Variants in NCAM2 observed in about 807,000 individuals in gnomAD.
NCAM2 encodes neural cell adhesion molecule 2.
Under a neutral mutation model 98.1 loss-of-function variants are expected in NCAM2, and 30 were observed. That is an observed-to-expected ratio of 0.31 (90% confidence interval 0.23 to 0.41). The LOEUF (loss-of-function observed/expected upper bound fraction) is 0.41, where lower values mean the gene tolerates loss of function less well. NCAM2 is among the 10% of genes least tolerant of loss of function. The pLI is 1.00. For missense variants in NCAM2, 867 were observed against 1,005.8 expected (o/e 0.86, Z 1.87); for synonymous variants, 368 against 342.4 (o/e 1.07, Z -0.83).
At chr21:21,089,806 A>C (rs1234175539) in intron 1 of NCAM2, among the ~76,000 whole-genome samples, 1 of 152,174 alleles carries the variant, frequency 6.6e-6, no homozygotes, top group Non-Finnish European at 1.5e-5. Flanking sequence ...AAAACATGAT[A>C]ATATTATTTC....
At chr21:21,500,068 C>A (rs1401654058) in intron 15 of NCAM2, among the ~76,000 whole-genome samples, 1 of 152,080 alleles carries the variant, frequency 6.6e-6, no homozygotes, top group Non-Finnish European at 1.5e-5. Context: ...GGATACTCAG[C>A]TCTTCTCTAG....
At chr21:21,370,439 G>A (rs1355933641) in intron 8 of NCAM2, among the ~76,000 whole-genome samples, 2 of 151,828 alleles carry the variant, frequency 1.3e-5, no homozygotes, top group East Asian at 3.9e-4. Flanking sequence ...GCATGTTTTG[G>A]TGTTTGAAAT....
chr21:21,349,439 C>A (rs1766018435), intron 8 of NCAM2, among the ~76,000 whole-genome samples: 2 of 152,024 alleles, frequency 1.3e-5, no homozygotes, highest in Non-Finnish European at 2.9e-5. Context: ...GAAATGCTGA[C>A]AAGGACGTAT....
chr21:21,189,452 G>A (rs187195500), intron 1 of NCAM2, among the ~76,000 whole-genome samples: 260 of 152,264 alleles, frequency 1.7e-3, no homozygotes, highest in Non-Finnish European at 2.7e-3. Context: ...TTGGCCAGAT[G>A]TGTTGGCTCC....
At chr21:21,404,973 A>C (rs2076710171) in intron 9 of NCAM2, among the ~76,000 whole-genome samples, 1 of 151,908 alleles carries the variant, frequency 6.6e-6, no homozygotes, top group Non-Finnish European at 1.5e-5. Context: ...GAGACTCCAC[A>C]TGTAGTAACG....
chr21:21,142,377 G>GTTTTTT (rs10686568), intron 1 of NCAM2, among the ~76,000 whole-genome samples: 26 of 107,170 alleles, frequency 2.4e-4, no homozygotes, highest in African/African-American at 3.7e-4. Context: ...TTTTTTTTAT[G>GTTTTTT]TTTTTTTTTT....
At chr21:21,032,101 T>A (rs926326578) in intron 1 of NCAM2, among the ~76,000 whole-genome samples, 3 of 152,182 alleles carry the variant, frequency 2.0e-5, no homozygotes, top group Admixed American at 6.5e-5. Context: ...AGCGTACGAA[T>A]TTAGGAAAAG....
At chr21:21,086,518 T>A (rs527859542) in intron 1 of NCAM2, among the ~76,000 whole-genome samples, 26 of 152,188 alleles carry the variant, frequency 1.7e-4, no homozygotes, top group Non-Finnish European at 3.2e-4. Context: ...CAGAGAAAGT[T>A]TATCTCTGAC....
intron 5 of NCAM2, among the ~76,000 whole-genome samples, chr21:21,321,023 A>G (rs911464945): frequency 2.6e-5 from 4 of 152,336 alleles, no homozygotes; most frequent in Admixed American, 2.6e-4. Flanking sequence ...GACTGAGAAT[A>G]TAAATAGAGA....
intron 1 of NCAM2, among the ~76,000 whole-genome samples, chr21:21,129,751 G>A (rs950678134): frequency 2.6e-5 from 4 of 152,110 alleles, no homozygotes; most frequent in African/African-American, 9.7e-5. Flanking sequence ...AATTTTAGAG[G>A]AGCGCAAGCA....
At chr21:21,049,376 T>C (rs1056613005) in intron 1 of NCAM2, among the ~76,000 whole-genome samples, 4 of 152,182 alleles carry the variant, frequency 2.6e-5, no homozygotes, top group African/African-American at 9.7e-5. Context: ...TAATTTTTCA[T>C]GCCCATAAAA....
At chr21:21,484,602 A>G (rs1438875695) in intron 15 of NCAM2, among the ~76,000 whole-genome samples, 1 of 152,110 alleles carries the variant, frequency 6.6e-6, no homozygotes, top group African/African-American at 2.4e-5. Context: ...TTATGCCCTG[A>G]AAATTAAAAA....
At chr21:21,429,472 C>T (rs1007664793) in intron 11 of NCAM2, among the ~76,000 whole-genome samples, 2 of 152,168 alleles carry the variant, frequency 1.3e-5, no homozygotes, top group African/African-American at 4.8e-5. Context: ...CTATGACATC[C>T]AACTTAGACC....
At chr21:21,371,861 G>A (rs232513) in intron 8 of NCAM2, among the ~76,000 whole-genome samples, 52,393 of 150,124 alleles carry the variant, frequency 0.35, 9,244 homozygotes, top group East Asian at 0.58. Flanking sequence ...AAATAAATGC[G>A]CGTGCACACA....
intron 15 of NCAM2, among the ~76,000 whole-genome samples, chr21:21,492,880 G>A (rs962446823): frequency 6.6e-6 from 1 of 151,638 alleles, no homozygotes; most frequent in Non-Finnish European, 1.5e-5. Context: ...CTTCAAATTG[G>A]CATTTCTGTT....
chr21:21,082,643 G>C (rs2065831219), intron 1 of NCAM2, among the ~76,000 whole-genome samples: 1 of 152,146 alleles, frequency 6.6e-6, no homozygotes, highest in Non-Finnish European at 1.5e-5. Context: ...TATGCATGTA[G>C]AGGGTACTTT....
At chr21:21,364,407 TA>T (rs2075731950) in intron 8 of NCAM2, among the ~76,000 whole-genome samples, 1 of 151,992 alleles carries the variant, frequency 6.6e-6, no homozygotes, top group African/African-American at 2.4e-5. Context: ...AAATAATGCA[TA>T]TGAATCATTC....
chr21:21,073,736 C>A (rs554380878), intron 1 of NCAM2, among the ~76,000 whole-genome samples: 18 of 152,274 alleles, frequency 1.2e-4, no homozygotes, highest in African/African-American at 4.3e-4. Flanking sequence ...CCACATTGTC[C>A]AGTCCAGTTT....
chr21:21,287,507 G>A (rs1186801373), intron 4 of NCAM2, among the ~76,000 whole-genome samples: 3 of 151,882 alleles, frequency 2.0e-5, no homozygotes, highest in Admixed American at 6.6e-5. Flanking sequence ...TAAATGGGTT[G>A]ATGTATTTTT....
Sources: gnomAD v4.1 joint callset for allele counts (sites outside exome capture counted in the v4.1 genomes callset) on GRCh38, gnomAD v4.1.1 for gene constraint, MANE v1.5 for transcripts, NCBI Gene and HGNC (gene_info 2026-07-23, HGNC 2026-07-21) for gene names.